The following BCAS3 variants were observed in gnomAD, a reference collection of about 807,000 sequenced individuals.
BCAS3 encodes the protein BCAS3 microtubule associated cell migration factor.
In BCAS3, 53 loss-of-function variants were observed where a neutral mutation model predicts 116.1. The ratio of observed to expected loss-of-function variants is 0.46; its 90% CI spans 0.37 to 0.57. The LOEUF is 0.57. BCAS3 is among the 20% of genes least tolerant of loss of function. BCAS3 has a pLI of 0.00. For missense variants in BCAS3, 917 were observed against 1,165.4 expected, an observed-to-expected ratio of 0.79 and a Z score of 3.10; for synonymous variants, 391 against 408.2, an observed-to-expected ratio of 0.96 and a Z score of 0.51.
rs2061461738 is a variant in BCAS3, at chr17:60,962,516, A to G, written c.1221+15164A>G. Among the ~76,000 whole-genome samples the G allele has an allele frequency of 6.6e-6, 1 of 151,908 alleles. No homozygotes were observed. On this transcript the variant is annotated intron_variant, in intron 14 of 23. Coordinates refer to ENST00000407086, the MANE Select transcript of BCAS3 (RefSeq NM_017679.5). The surrounding 1 kb of genome is among the most constrained non-coding windows in gnomAD (Gnocchi z 4.4). The stretch of plus-strand genomic sequence containing the variant: ...AAATGTGTGTTCAGGTCTTTTGCCC[A>G]TTTTTAAATTTTCTTATTTTTTCTT...
rs552093240 is a variant in BCAS3 at position 61,302,710 on chromosome 17, A to G, written c.2426-65617A>G. 7.9e-5 allele frequency among the ~76,000 whole-genome samples: 12 copies of G among 152,184 alleles called. No homozygotes were observed. The highest frequency in any genetic ancestry group is 1.8e-4 in the Non-Finnish European group (12 of 68,038). Reference sequence around the variant, plus strand: ...TTTTTTTTCAGCTTTGAAAGAACAGACAACCCCACTTTATCTGATCCTTCA... The same window carrying G: ...TTTTTTTTCAGCTTTGAAAGAACAGGCAACCCCACTTTATCTGATCCTTCA... On this transcript the variant is annotated intron_variant, in intron 22 of 23. Transcript: ENST00000407086. This position sits in a 1 kb window ranked among gnomAD's most constrained non-coding sequence, Gnocchi z 4.4.
chr17:60,723,086 C>T (rs1277676771), intron 5 of BCAS3, among the ~76,000 whole-genome samples: 1 of 152,116 alleles, frequency 6.6e-6, no homozygotes, highest in Non-Finnish European at 1.5e-5. Flanking sequence ...TTCAAACTTC[C>T]AGAAAATTTT....
intron 6 of BCAS3, among the ~76,000 whole-genome samples, chr17:60,757,634 G>C (rs969574611): frequency 2.6e-5 from 4 of 151,960 alleles, no homozygotes; most frequent in Non-Finnish European, 2.9e-5. Context: ...TGAATTTTTT[G>C]AGTTCTTTGT....
rs977021480 is a variant in BCAS3 at position 61,261,567 on chromosome 17, C to T, written c.2426-106760C>T. On this transcript the variant is annotated intron_variant, in intron 22 of 23. Transcript: ENST00000407086. This position sits in a 1 kb window ranked among gnomAD's most constrained non-coding sequence, Gnocchi z 4.4. The stretch of plus-strand genomic sequence containing the variant: ...AAAAGAGCTGTTTATTTCTTTTCCG[C>T]ATGTTTTCCCCCTAGTTTCAAAAGC... 3.3e-5 allele frequency among the ~76,000 whole-genome samples: 5 copies of T among 152,160 alleles called. No homozygotes were observed. Among genetic ancestry groups the T allele is most frequent in the African/African-American group, 7.2e-5 (3 of 41,442 alleles).
intron 5 of BCAS3, among the ~76,000 whole-genome samples, chr17:60,738,111 T>C (rs1680995487): frequency 6.6e-6 from 1 of 152,164 alleles, no homozygotes; most frequent in African/African-American, 2.4e-5. Flanking sequence ...TTAAGGTGTG[T>C]TTTGTGGTCC....
chr17:60,754,720 CACACACACACACACACACACAGAG>C (rs1433877869), intron 6 of BCAS3, among the ~76,000 whole-genome samples: 5 of 13,360 alleles, frequency 3.7e-4, no homozygotes, highest in African/African-American at 4.2e-4. Context: ...CACACACACA[CACACACACACACACACACACAGAG>C]TCTGTTCAGC....
At chr17:61,040,718 A>G (rs2067432003) in intron 18 of BCAS3, 74 bp from the exon 19 acceptor site, 1 of 1,203,034 alleles carries the variant, frequency 8.3e-7, no homozygotes, top group East Asian at 2.3e-5. Context: ...ACTGTTCATA[A>G]GTGATGACAG....
chr17:60,957,476 A>ATC (rs2061195144), intron 14 of BCAS3, among the ~76,000 whole-genome samples: 1 of 152,166 alleles, frequency 6.6e-6, no homozygotes, highest in South Asian at 2.1e-4. Context: ...GCATGACCCT[A>ATC]TCTATAGTCA....
At chr17:61,049,673 A>T (rs2068658771) in intron 19 of BCAS3, among the ~76,000 whole-genome samples, 1 of 151,214 alleles carries the variant, frequency 6.6e-6, no homozygotes, top group Non-Finnish European at 1.5e-5. Context: ...AGGAAAAGAC[A>T]TGTTACACAC....
chr17:61,231,349 G>C (rs1041677285), intron 22 of BCAS3, among the ~76,000 whole-genome samples: 1 of 152,032 alleles, frequency 6.6e-6, no homozygotes, highest in Non-Finnish European at 1.5e-5. Flanking sequence ...CAGATGCATA[G>C]TTTGAGAATA....
intron 6 of BCAS3, among the ~76,000 whole-genome samples, chr17:60,754,948 T>A (rs1283928901): frequency 6.6e-6 from 1 of 152,220 alleles, no homozygotes; most frequent in Non-Finnish European, 1.5e-5. Flanking sequence ...TAACACCTAG[T>A]CTTTATTATT....
intron 13 of BCAS3, among the ~76,000 whole-genome samples, chr17:60,938,806 T>C (rs1167307124): frequency 6.6e-6 from 1 of 152,068 alleles, no homozygotes; most frequent in African/African-American, 2.4e-5. Flanking sequence ...TAAACAATCA[T>C]GTCACAAAAG....
Position 61,368,349 on chromosome 17 carries a change from C to G in BCAS3, c.2448C>G (p.Thr816=). The change falls in exon 23 of 24, where the codon ACC becomes ACG. Residue 816 remains threonine (T), a synonymous_variant. Coordinates refer to ENST00000407086, the MANE Select transcript of BCAS3 (RefSeq NM_017679.5). This position sits in a 1 kb window ranked among gnomAD's most constrained non-coding sequence, Gnocchi z 6.0. ...CAGGTACCTTTGACAGGAGCGTGACCCTGCTGGAGGTGTGCGGGAGCTGGC... is the reference window on the plus strand; with the variant it reads ...CAGGTACCTTTGACAGGAGCGTGACGCTGCTGGAGGTGTGCGGGAGCTGGC... ...AASGTFDRSV[T]LLEVCGSWPE... 1 of 1,602,930 alleles carries G rather than the reference C, an allele frequency of 6.2e-7. No homozygotes were observed. Among genetic ancestry groups the G allele is most frequent in the Non-Finnish European group, 8.5e-7 (1 of 1,171,060 alleles).
rs1178400425 is a variant in BCAS3, at chr17:61,361,292, A to G, written c.2426-7035A>G. 6.6e-6 allele frequency among the ~76,000 whole-genome samples: 1 copy of G among 152,030 alleles called. No individual in the cohort carries two copies. Among genetic ancestry groups the G allele is most frequent in the African/African-American group, 2.4e-5 (1 of 41,366 alleles). ...TCCAGTTATGACTCAGATGTAATCT[A>G]TGTTCTAAGCTTTAAAGTGTGCATT... On this transcript the variant is annotated intron_variant, in intron 22 of 23. Transcript: ENST00000407086. This position sits in a 1 kb window ranked among gnomAD's most constrained non-coding sequence, Gnocchi z 6.5.
At position 61,097,178 on chromosome 17, in the gene BCAS3, T is replaced by C. The variant is rs948322389; in HGVS notation, c.2425+12614T>C. ...AGCCTACTCTGTTTCTTTATTTGTT[T>C]TTTTCTTTTTTCTTTTTTGAGACTG... On this transcript the variant is annotated intron_variant, in intron 22 of 23. Coordinates refer to ENST00000407086, the MANE Select transcript of BCAS3 (RefSeq NM_017679.5). The surrounding 1 kb of genome is among the most constrained non-coding windows in gnomAD (Gnocchi z 4.0). 3.9e-5 allele frequency among the ~76,000 whole-genome samples: 6 copies of C among 151,974 alleles called. No homozygotes were observed. In the East Asian group the frequency reaches 1.2e-3, roughly 29 times the overall value.
At position 61,034,891 on chromosome 17, in the gene BCAS3, T is replaced by C. The variant is rs554660362; in HGVS notation, c.1762+101T>C. 8.6e-7 allele frequency: 1 copy of C among 1,157,076 alleles called. No homozygotes were observed. Among genetic ancestry groups the C allele is most frequent in the Non-Finnish European group, 1.2e-6 (1 of 825,992 alleles). The allele number at this position is 1,157,076 out of a possible 1,614,324, so 71.7% of individuals were successfully genotyped here. A position where few individuals can be genotyped will look rare whatever the true frequency, so the allele number is the denominator to read the frequency against. On this transcript the variant is annotated intron_variant, in intron 17 of 23. Transcript: ENST00000407086. This position sits in a 1 kb window ranked among gnomAD's most constrained non-coding sequence, Gnocchi z 5.0. ...TAGAATAATCTTGTACCCAGTAGTC[T>C]GGAAACCAATTTTTTTAATGTAATT...
At chr17:61,114,618 T>C (rs1434489363) in intron 22 of BCAS3, among the ~76,000 whole-genome samples, 1 of 152,044 alleles carries the variant, frequency 6.6e-6, no homozygotes, top group African/African-American at 2.4e-5. Context: ...GAACATTCCA[T>C]GCTCATGGGT....
intron 5 of BCAS3, among the ~76,000 whole-genome samples, chr17:60,719,666 C>T (rs1008964719): frequency 3.9e-5 from 6 of 152,152 alleles, no homozygotes; most frequent in African/African-American, 1.2e-4. Context: ...AATTTGGACT[C>T]GTTGAGAATC....
intron 5 of BCAS3, among the ~76,000 whole-genome samples, chr17:60,744,555 T>G (rs1446549634): frequency 3.3e-5 from 5 of 152,020 alleles, no homozygotes; most frequent in African/African-American, 1.2e-4. Context: ...ATTTGGAGAG[T>G]TCTCTCCTCG....
Sources: gnomAD v4.1 joint callset for allele counts (sites outside exome capture counted in the v4.1 genomes callset) on GRCh38, gnomAD v4.1.1 for gene constraint, Gnocchi (gnomAD v3.1) non-coding constraint, MANE v1.5 for transcripts, NCBI Gene and HGNC (gene_info 2026-07-23, HGNC 2026-07-21) for gene names.